Variants in CDH13 observed in about 807,000 individuals in gnomAD.
The protein encoded by CDH13 is cadherin 13, also known as cadherin-13.
Under a neutral mutation model 63.8 loss-of-function variants are expected in CDH13, and 24 were observed. The observed-to-expected ratio is 0.38, with a 90% CI of 0.27 to 0.53. The LOEUF is 0.53. CDH13 is among the 20% of genes least tolerant of loss of function. CDH13 has a pLI of 0.85. For missense variants in CDH13, 1,049 were observed against 903.1 expected (o/e 1.16, Z -2.07); for synonymous variants, 503 against 355.3 (o/e 1.42, Z -4.67).
intron 6 of CDH13, among the ~76,000 whole-genome samples, chr16:83,346,187 A>G (rs1407262452): frequency 2.0e-5 from 3 of 152,000 alleles, no homozygotes; most frequent in East Asian, 1.9e-4. Context: ...TGTTTAGGGG[A>G]GTGTTGGAGG....
chr16:83,315,104 C>T (rs1201477335), intron 5 of CDH13, among the ~76,000 whole-genome samples: 1 of 152,184 alleles, frequency 6.6e-6, no homozygotes, highest in African/African-American at 2.4e-5. Flanking sequence ...TTACAGAATG[C>T]AGAAGAACAA....
chr16:83,395,332 G>A (rs1315070625), intron 6 of CDH13, among the ~76,000 whole-genome samples: 2 of 151,066 alleles, frequency 1.3e-5, no homozygotes, highest in African/African-American at 4.9e-5. Flanking sequence ...AAAAAGTCAA[G>A]GAAGATCAAA....
intron 5 of CDH13, among the ~76,000 whole-genome samples, chr16:83,276,609 G>A (rs1046109364): frequency 6.6e-6 from 1 of 152,140 alleles, no homozygotes; most frequent in East Asian, 1.9e-4. Context: ...GGTGGCTCGC[G>A]CCTGTAATCC....
chr16:83,195,461 T>C (rs2038851225), intron 4 of CDH13, among the ~76,000 whole-genome samples: 2 of 152,090 alleles, frequency 1.3e-5, no homozygotes, highest in African/African-American at 4.8e-5. Context: ...GAAGGCAAAG[T>C]GGGAGCAGGT....
rs200479338 is a variant in CDH13 at position 83,606,574 on chromosome 16, C to CA, written c.1101+3989dup. Among the ~76,000 whole-genome samples, 1,118 of 149,434 alleles carry CA rather than the reference C, an allele frequency of 7.5e-3. 16 individuals carry two copies. Among genetic ancestry groups the CA allele is most frequent in the African/African-American group, 0.026 (1,051 of 40,738 alleles). On this transcript the variant is annotated intron_variant, in intron 8 of 13. Transcript: ENST00000567109. Reference sequence around the variant, plus strand: ...GAAACATGGTGAAACTCTGTCGCTACAAAAAAAAATACAAAAATTATCCAG... The same window carrying CA: ...GAAACATGGTGAAACTCTGTCGCTACAAAAAAAAAATACAAAAATTATCCAG...
Position 83,644,136 on chromosome 16 carries a change from T to C in CDH13, c.1102-26654T>C, listed in dbSNP as rs528018015. Reference sequence around the variant, plus strand: ...ATAAAAATTCTGTAATCTCCTTCTCTTTATCTCAGCTCTGCCTTCAGATGT... The same window carrying C: ...ATAAAAATTCTGTAATCTCCTTCTCCTTATCTCAGCTCTGCCTTCAGATGT... On this transcript the variant is annotated intron_variant, in intron 8 of 13. Transcript: ENST00000567109. Among the ~76,000 whole-genome samples, 136 of 152,332 alleles carry C rather than the reference T, an allele frequency of 8.9e-4. 1 individual carries two copies. The highest frequency in any genetic ancestry group is 3.1e-3 in the African/African-American group (128 of 41,582).
chr16:83,634,852 A>T (rs910921945), intron 8 of CDH13, among the ~76,000 whole-genome samples: 1 of 152,130 alleles, frequency 6.6e-6, no homozygotes, highest in African/African-American at 2.4e-5. Flanking sequence ...AGGACATTTG[A>T]CTTTGTTGCT....
intron 3 of CDH13, among the ~76,000 whole-genome samples, chr16:83,099,166 T>C (rs541623958): frequency 6.6e-6 from 1 of 152,258 alleles, no homozygotes; most frequent in Non-Finnish European, 1.5e-5. Flanking sequence ...ACATATTTAA[T>C]ATGTTGCATA....
intron 5 of CDH13, among the ~76,000 whole-genome samples, chr16:83,258,487 T>C (rs1005445058): frequency 6.6e-6 from 1 of 152,202 alleles, no homozygotes; most frequent in Non-Finnish European, 1.5e-5. Context: ...CAAATACTGT[T>C]ACTGATGATG....
At chr16:82,876,046 C>T (rs1237577015) in intron 2 of CDH13, among the ~76,000 whole-genome samples, 2 of 152,200 alleles carry the variant, frequency 1.3e-5, no homozygotes, top group Non-Finnish European at 2.9e-5. Flanking sequence ...TTAAAATCAT[C>T]AGCTCTCATG....
chr16:82,632,273 A>G (rs543775825), intron 1 of CDH13, among the ~76,000 whole-genome samples: 5 of 152,240 alleles, frequency 3.3e-5, no homozygotes, highest in African/African-American at 1.2e-4. Context: ...ACAAATGTTG[A>G]GGTTTGATCA....
intron 1 of CDH13, among the ~76,000 whole-genome samples, chr16:82,776,689 G>A (rs1052436666): frequency 6.6e-6 from 1 of 152,154 alleles, no homozygotes; most frequent in Non-Finnish European, 1.5e-5. Flanking sequence ...CTGTGGGTTC[G>A]GTTTTCTCTC....
At chr16:83,425,772 C>G (rs2071875169) in intron 6 of CDH13, among the ~76,000 whole-genome samples, 1 of 151,958 alleles carries the variant, frequency 6.6e-6, no homozygotes, top group East Asian at 1.9e-4. Flanking sequence ...TTTCTTTCTT[C>G]CTTTGTCTCT....
At chr16:82,694,878 C>A (rs532324922) in intron 1 of CDH13, among the ~76,000 whole-genome samples, 1 of 152,080 alleles carries the variant, frequency 6.6e-6, no homozygotes, top group Non-Finnish European at 1.5e-5. Context: ...ATAAAGGAGG[C>A]GCCTTGGGTA....
chr16:83,567,552 G>A (rs1345132814), intron 7 of CDH13, among the ~76,000 whole-genome samples: 1 of 152,124 alleles, frequency 6.6e-6, no homozygotes, highest in Non-Finnish European at 1.5e-5. Context: ...TAAAAAGCAA[G>A]AAATTGTCTA....
chr16:83,332,783 T>C (rs1330217873), intron 5 of CDH13, among the ~76,000 whole-genome samples: 1 of 152,206 alleles, frequency 6.6e-6, no homozygotes, highest in African/African-American at 2.4e-5. Flanking sequence ...TTATTTTGAA[T>C]ATCTGCATAG....
At chr16:83,599,670 A>T (rs1159147041) in intron 7 of CDH13, among the ~76,000 whole-genome samples, 10 of 152,366 alleles carry the variant, frequency 6.6e-5, no homozygotes, top group Non-Finnish European at 1.3e-4. Flanking sequence ...ATATGATTAT[A>T]TTGTAGGCAA....
At chr16:82,974,512 A>G (rs1399805528) in intron 2 of CDH13, among the ~76,000 whole-genome samples, 8 of 152,152 alleles carry the variant, frequency 5.3e-5, no homozygotes, top group African/African-American at 1.9e-4. Context: ...AATGACCCCA[A>G]TGATATCCAC....
At chr16:83,426,316 C>G (rs889781955) in intron 6 of CDH13, among the ~76,000 whole-genome samples, 13 of 152,110 alleles carry the variant, frequency 8.5e-5, no homozygotes, top group Non-Finnish European at 1.9e-4. Flanking sequence ...GGGTCAGTTT[C>G]TTGGTTTTCA....
Sources: allele counts gnomAD v4.1 joint callset (sites outside exome capture counted in the v4.1 genomes callset), GRCh38; gene constraint gnomAD v4.1.1; transcripts MANE v1.5; gene names NCBI Gene and HGNC (gene_info 2026-07-23, HGNC 2026-07-21).